Variants in PLCB1 observed in about 807,000 individuals in gnomAD.
PLCB1 encodes the protein 1-phosphatidylinositol 4,5-bisphosphate phosphodiesterase beta-1.
Under a neutral mutation model 161.8 loss-of-function variants are expected in PLCB1, and 46 were observed. That is an observed-to-expected ratio of 0.28 (90% confidence interval 0.22 to 0.36). The LOEUF is 0.36. Among genes scored for constraint, PLCB1 ranks in the 10% least tolerant of loss-of-function variants. PLCB1 has a pLI of 1.00. For synonymous variants in PLCB1, 517 were observed against 503.7 expected (o/e 1.03, Z -0.35); for missense variants, 1,016 against 1,472.5 (o/e 0.69, Z 5.07).
chr20:8,450,748 C>A (rs1355799731), intron 3 of PLCB1, among the ~76,000 whole-genome samples: 1 of 152,130 alleles, frequency 6.6e-6, no homozygotes, highest in African/African-American at 2.4e-5. Flanking sequence ...GTTCTACCAT[C>A]CTCCATTTAT....
rs777832870 is a variant in PLCB1, at chr20:8,774,674, A to G, written c.3066A>G (p.Glu1022=). ...QQQQLLNLRQ[E]QYYSEKYQKR... ...AGCAGCTGCTTAATCTTCGGCAAGA[A>G]CAGTATTATAGTGAAAAATACCAGA... is the stretch of plus-strand genomic sequence containing the variant. The change falls in exon 27 of 32, where the codon GAA becomes GAG. Residue 1022 remains glutamate, a synonymous_variant. Transcript: ENST00000338037. The G allele has an allele frequency of 1.2e-6, 2 of 1,613,950 alleles. No individual in the cohort carries two copies. Among genetic ancestry groups the G allele is most frequent in the South Asian group, 1.1e-5 (1 of 91,036 alleles).
Position 8,504,272 on chromosome 20 carries a change from C to T in PLCB1, c.247-124022C>T, listed in dbSNP as rs183765960. Among the ~76,000 whole-genome samples, 16 of 152,266 alleles carry T rather than the reference C, an allele frequency of 1.1e-4. No individual in the cohort carries two copies. In the East Asian group the frequency reaches 2.5e-3, roughly 24 times the overall value. On this transcript the variant is annotated intron_variant, in intron 3 of 31. Coordinates refer to ENST00000338037, the MANE Select transcript of PLCB1 (RefSeq NM_015192.4). ...GAAGGAAAAAGCATATGACGAATCACACACTGGCTCTTCAAATGTCTGCCC... is the reference window on the plus strand; with the variant it reads ...GAAGGAAAAAGCATATGACGAATCATACACTGGCTCTTCAAATGTCTGCCC...
intron 3 of PLCB1, among the ~76,000 whole-genome samples, chr20:8,506,405 T>C (rs1983639040): frequency 6.6e-6 from 1 of 152,160 alleles, no homozygotes; most frequent in Admixed American, 6.5e-5. Context: ...ATCAATCTTT[T>C]TGGTGCTGTA....
intron 27 of PLCB1, among the ~76,000 whole-genome samples, chr20:8,786,419 A>C (rs965024442): frequency 2.0e-5 from 3 of 152,168 alleles, no homozygotes; most frequent in Non-Finnish European, 4.4e-5. Context: ...GTCCTAGTTA[A>C]TATTTGTTCA....
Position 8,132,440 on chromosome 20 carries a change from G to A in PLCB1, c.-212G>A. On this transcript the variant is annotated 5_prime_UTR_variant, in exon 1 of 32. Coordinates refer to ENST00000338037, the MANE Select transcript of PLCB1 (RefSeq NM_015192.4). The surrounding 1 kb of genome is among the most constrained non-coding windows in gnomAD (Gnocchi z 5.2). ...CTCCAGACCTCGCGTCCCGCCCGGG[G>A]CATGGCCGGGCGCTGCGCCCCCGCG... is the stretch of plus-strand genomic sequence containing the variant. The A allele has an allele frequency of 6.4e-6, 2 of 311,402 alleles. No individual in the cohort carries two copies. Among genetic ancestry groups the A allele is most frequent in the Non-Finnish European group, 1.2e-5 (2 of 170,940 alleles). 19.3% of individuals were successfully genotyped at this position (311,402 alleles called of 1,614,324 possible). A position where few individuals can be genotyped will look rare whatever the true frequency, so the allele number is the denominator to read the frequency against.
rs146393994 is a variant in PLCB1 at position 8,225,121 on chromosome 20, A to T, written c.177+74750A>T. On this transcript the variant is annotated intron_variant, in intron 2 of 31. Coordinates refer to ENST00000338037, the MANE Select transcript of PLCB1 (RefSeq NM_015192.4). Reference sequence around the variant, plus strand: ...ATGGATTATTTTCCCCAAACATCCTATCATTTCATCCATGAATATTTTAGT... The same window carrying T: ...ATGGATTATTTTCCCCAAACATCCTTTCATTTCATCCATGAATATTTTAGT... Among the ~76,000 whole-genome samples, 319 of 152,324 alleles carry T rather than the reference A, an allele frequency of 2.1e-3. 3 individuals carry two copies. Among genetic ancestry groups the T allele is most frequent in the Middle Eastern group, 0.017 (5 of 294 alleles).
intron 27 of PLCB1, among the ~76,000 whole-genome samples, chr20:8,787,200 A>G (rs1370583393): frequency 6.6e-6 from 1 of 152,192 alleles, no homozygotes; most frequent in Non-Finnish European, 1.5e-5. Context: ...GGTTATCTCC[A>G]CAAGGCTGGA....
intron 3 of PLCB1, among the ~76,000 whole-genome samples, chr20:8,523,465 GCTCT>G (rs1174973173): frequency 8.4e-4 from 41 of 48,806 alleles, no homozygotes; most frequent in East Asian, 1.4e-3. Context: ...TATATATTTG[GCTCT>G]CTCTCTCTCT....
In PLCB1 at chr20:8,433,496, A is replaced by G. The variant is rs76394150; in HGVS notation, c.246+62046A>G. On this transcript the variant is annotated intron_variant, in intron 3 of 31. Transcript: ENST00000338037. Reference sequence around the variant, plus strand: ...TTGCAAAGTAAAGCCCCTGCTGTGGAGTGAATTTGCTTATGTCACACTCTA... The same window carrying G: ...TTGCAAAGTAAAGCCCCTGCTGTGGGGTGAATTTGCTTATGTCACACTCTA... Among the ~76,000 whole-genome samples, 1,314 of 124,352 alleles carry G rather than the reference A, an allele frequency of 0.011. 183 individuals carry two copies. Among genetic ancestry groups the G allele is most frequent in the African/African-American group, 0.04 (1,232 of 30,774 alleles). 81.6% of individuals were successfully genotyped at this position (124,352 alleles called of 152,430 possible).
At chr20:8,337,912 A>G (rs1271559685) in intron 2 of PLCB1, among the ~76,000 whole-genome samples, 1 of 152,204 alleles carries the variant, frequency 6.6e-6, no homozygotes, top group Non-Finnish European at 1.5e-5. Context: ...AGGTCCTGGC[A>G]TCTAAAGTTG....
At chr20:8,803,728 G>A (rs1243193518) in intron 31 of PLCB1, among the ~76,000 whole-genome samples, 2 of 151,810 alleles carry the variant, frequency 1.3e-5, no homozygotes, top group South Asian at 2.1e-4. Context: ...AGCACCATTC[G>A]ATTTTTTTGT....
chr20:8,821,927 A>G (rs1050073922), intron 31 of PLCB1, among the ~76,000 whole-genome samples: 7 of 151,968 alleles, frequency 4.6e-5, no homozygotes, highest in Admixed American at 1.3e-4. Flanking sequence ...CTAGGCCACA[A>G]TTCCTCCAGA....
intron 31 of PLCB1, among the ~76,000 whole-genome samples, chr20:8,801,543 T>G (rs1387720915): frequency 6.6e-6 from 1 of 152,186 alleles, no homozygotes; most frequent in Non-Finnish European, 1.5e-5. Flanking sequence ...TCCAAGAACA[T>G]CGCCTGCCAT....
At chr20:8,471,305 A>G (rs2122715658) in intron 3 of PLCB1, among the ~76,000 whole-genome samples, 1 of 152,334 alleles carries the variant, frequency 6.6e-6, no homozygotes, top group Middle Eastern at 3.4e-3. Flanking sequence ...TGTTCAAAGC[A>G]AGGACTGTAC....
At chr20:8,728,160 A>G (rs1980041365) in intron 17 of PLCB1, among the ~76,000 whole-genome samples, 1 of 152,120 alleles carries the variant, frequency 6.6e-6, no homozygotes, top group Non-Finnish European at 1.5e-5. Flanking sequence ...GTCTTATCTC[A>G]TTTAATCCTC....
At chr20:8,233,446 A>C (rs1980170012) in intron 2 of PLCB1, among the ~76,000 whole-genome samples, 1 of 152,184 alleles carries the variant, frequency 6.6e-6, no homozygotes, top group South Asian at 2.1e-4. Context: ...TTAAAGTCTC[A>C]TAACCACTTG....
intron 3 of PLCB1, among the ~76,000 whole-genome samples, chr20:8,384,696 A>AG (rs1987369300): frequency 6.6e-6 from 1 of 152,034 alleles, no homozygotes; most frequent in Admixed American, 6.6e-5. Flanking sequence ...TGACCCTTGG[A>AG]TGGAGTATTT....
chr20:8,711,886 C>T (rs1389577080), intron 12 of PLCB1, among the ~76,000 whole-genome samples: 1 of 152,170 alleles, frequency 6.6e-6, no homozygotes, highest in African/African-American at 2.4e-5. Flanking sequence ...ACATCTGACA[C>T]CTATTTGCCA....
chr20:8,618,469 C>A (rs772208799), intron 3 of PLCB1, among the ~76,000 whole-genome samples: 1 of 151,766 alleles, frequency 6.6e-6, no homozygotes, highest in Non-Finnish European at 1.5e-5. Context: ...TCAAGCCCTG[C>A]CTGAGCAACA....
Sources: gnomAD v4.1 joint callset for allele counts (sites outside exome capture counted in the v4.1 genomes callset) on GRCh38, gnomAD v4.1.1 for gene constraint, Gnocchi (gnomAD v3.1) non-coding constraint, MANE v1.5 for transcripts, NCBI Gene and HGNC (gene_info 2026-07-23, HGNC 2026-07-21) for gene names.